Variants in RGPD8 observed in about 807,000 individuals in gnomAD.
RGPD8 encodes the protein RANBP2-like and GRIP domain-containing protein 8.
In RGPD8, 15 loss-of-function variants were observed where a neutral mutation model predicts 89.1. The ratio of observed to expected loss-of-function variants is 0.17; its 90% CI spans 0.11 to 0.26. The LOEUF (loss-of-function observed/expected upper bound fraction) is 0.26. Among genes scored for constraint, RGPD8 ranks in the 10% least tolerant of loss-of-function variants. The pLI is 1.00. For missense variants in RGPD8, 178 were observed against 1,179.6 expected (o/e 0.15, Z 12.44); for synonymous variants, 62 against 420.9 (o/e 0.15, Z 10.44).
intron 1 of RGPD8, among the ~76,000 whole-genome samples, chr2:112,429,791 G>A (rs537551792): frequency 2.0e-5 from 3 of 152,294 alleles, no homozygotes; most frequent in African/African-American, 7.2e-5. Flanking sequence ...AAAAACTAGA[G>A]AAAGAATTAT....
At chr2:112,425,756 CAAAAAAAA>C (rs942303412) in intron 1 of RGPD8, among the ~76,000 whole-genome samples, 12 of 100,398 alleles carry the variant, frequency 1.2e-4, no homozygotes, top group African/African-American at 4.5e-4. Context: ...GATTCCATCT[CAAAAAAAA>C]AAAAAAAAAA....
At chr2:112,425,950 T>C (rs59657023) in intron 1 of RGPD8, among the ~76,000 whole-genome samples, 11,901 of 152,080 alleles carry the variant, frequency 0.078, 639 homozygotes, top group East Asian at 0.29. Flanking sequence ...ACAAATTTAA[T>C]GTCTTGTCCA....
At chr2:112,422,523 G>A (rs1679599310) in intron 3 of RGPD8, 25 bp downstream of exon 3, 1 of 1,609,256 alleles carries the variant, frequency 6.2e-7, no homozygotes, top group Non-Finnish European at 8.5e-7. Flanking sequence ...CTATGCAAAG[G>A]CTATATTTGA....
At chr2:112,379,354 T>C (rs1678199849) in intron 21 of RGPD8, among the ~76,000 whole-genome samples, 2 of 151,216 alleles carry the variant, frequency 1.3e-5, no homozygotes, top group Non-Finnish European at 2.9e-5. Flanking sequence ...CCCAACACTT[T>C]GGGAGGCTGA....
intron 1 of RGPD8, among the ~76,000 whole-genome samples, chr2:112,426,090 T>A (rs1679756934): frequency 6.6e-6 from 1 of 151,938 alleles, no homozygotes. Context: ...TTACCATAGA[T>A]CTCAGCAACC....
intron 7 of RGPD8, among the ~76,000 whole-genome samples, chr2:112,411,686 T>C (rs1298392116): frequency 3.7e-5 from 1 of 27,280 alleles, no homozygotes; most frequent in Non-Finnish European, 5.7e-5. Flanking sequence ...GGTCAAGAGA[T>C]TGCGACCATC....
At chr2:112,429,397 T>C (rs1201613448) in intron 1 of RGPD8, among the ~76,000 whole-genome samples, 1 of 109,134 alleles carries the variant, frequency 9.2e-6, no homozygotes, top group African/African-American at 3.7e-5. Context: ...GCCTGGACGA[T>C]AGAGCCAGAC....
intron 9 of RGPD8, among the ~76,000 whole-genome samples, chr2:112,402,444 T>C (rs1678898608): frequency 6.7e-6 from 1 of 150,242 alleles, no homozygotes; most frequent in Admixed American, 6.7e-5. Context: ...CAGCCGAGAT[T>C]GCGCCACTGC....
At chr2:112,371,854 C>A (rs1677974982) in intron 22 of RGPD8, among the ~76,000 whole-genome samples, 1 of 150,098 alleles carries the variant, frequency 6.7e-6, no homozygotes, top group African/African-American at 2.5e-5. Context: ...GGCAGAGTAG[C>A]ATTTTCAAAA....
intron 20 of RGPD8, among the ~76,000 whole-genome samples, chr2:112,381,964 G>T (rs1193740931): frequency 6.6e-6 from 1 of 152,310 alleles, no homozygotes; most frequent in Non-Finnish European, 1.5e-5. Flanking sequence ...TGAGGGTGTT[G>T]CCAAAGGGAT....
chr2:112,433,313 G>A (rs1162971256), intron 1 of RGPD8, 69 bp downstream of exon 1: 3 of 1,401,616 alleles, frequency 2.1e-6, no homozygotes, highest in South Asian at 1.4e-5. Flanking sequence ...CGAGGCCGCC[G>A]CCGGGCCGGG....
intron 1 of RGPD8, among the ~76,000 whole-genome samples, chr2:112,431,004 C>A (rs1442777921): frequency 6.6e-6 from 1 of 152,142 alleles, no homozygotes; most frequent in Non-Finnish European, 1.5e-5. Context: ...ATAATCCCAA[C>A]ACTTTGGGAA....
chr2:112,402,677 T>C (rs1454568007), intron 9 of RGPD8, among the ~76,000 whole-genome samples: 1 of 110,652 alleles, frequency 9.0e-6, no homozygotes, highest in East Asian at 2.6e-4. Context: ...AAGACACTTT[T>C]TGTTGAAGTT....
At chr2:112,427,229 C>T (rs1205120550) in intron 1 of RGPD8, among the ~76,000 whole-genome samples, 1 of 151,912 alleles carries the variant, frequency 6.6e-6, no homozygotes, top group East Asian at 1.9e-4. Context: ...ACCTTCTTTG[C>T]TTCCAACTAT....
chr2:112,431,428 A>AACTT (rs2104410677), intron 1 of RGPD8, among the ~76,000 whole-genome samples: 1 of 152,280 alleles, frequency 6.6e-6, no homozygotes, highest in African/African-American at 2.4e-5. Context: ...AATAGACTGT[A>AACTT]ACTTACTGCA....
Position 112,370,741 on chromosome 2 carries a change from G to A in RGPD8, c.5264-529C>T, listed in dbSNP as rs1413656670. On this transcript the variant is annotated intron_variant, in intron 22 of 22. Coordinates refer to ENST00000302558, the MANE Select transcript of RGPD8 (RefSeq NM_001164463.1). ...AAGGATATACTGAATTTCCGGTTGA[G>A]CCAACTTAACAGCTAATTTTCTATT... Among the ~76,000 whole-genome samples the A allele has an allele frequency of 6.1e-5, 8 of 132,228 alleles. No homozygotes were observed. The South Asian group carries it at 2.1e-3, about 35-fold the overall frequency. 86.7% of individuals were successfully genotyped at this position (132,228 alleles called of 152,430 possible).
Position 112,389,250 on chromosome 2 carries a change from T to A in RGPD8, c.3695A>T (p.Asp1232Val). Residue 1232 changes from aspartate to valine, a missense_variant, in exon 20 of 23, where the codon GAC (aspartate) becomes GTC (valine). Physicochemically the swap from Asp to Val is radical, Grantham distance 152. Coordinates refer to ENST00000302558, the MANE Select transcript of RGPD8 (RefSeq NM_001164463.1). ...GSGTGVAGAS[D>V]TTIKPNAENT... ...TTCAGCATTGGGTTTTATTGTTGTG[T>A]CTGAGGCACCGGCCACACCTGTACC... 2 of 1,571,044 alleles carry A rather than the reference T, an allele frequency of 1.3e-6. No individual in the cohort carries two copies. The highest frequency in any genetic ancestry group is 1.7e-6 in the Non-Finnish European group (2 of 1,150,112).
At chr2:112,380,522 G>A (rs1407776244) in intron 21 of RGPD8, among the ~76,000 whole-genome samples, 58 of 147,892 alleles carry the variant, frequency 3.9e-4, no homozygotes, top group African/African-American at 9.4e-4. Flanking sequence ...GCATGTTGGC[G>A]GGCACCTGTA....
chr2:112,430,539 A>G (rs779847977), intron 1 of RGPD8, among the ~76,000 whole-genome samples: 85 of 152,302 alleles, frequency 5.6e-4, no homozygotes, highest in Admixed American at 5.2e-4. Flanking sequence ...TTAATGGAGA[A>G]GTTATGTAGT....
Sources: allele counts gnomAD v4.1 joint callset (sites outside exome capture counted in the v4.1 genomes callset), GRCh38; gene constraint gnomAD v4.1.1; transcripts MANE v1.5; gene names NCBI Gene and HGNC (gene_info 2026-07-23, HGNC 2026-07-21).